ACTR3C: variants seen among roughly 807,000 people sequenced by gnomAD.
ACTR3C encodes the protein actin related protein 3C.
ACTR3C carries 18 observed loss-of-function variants against 26.3 expected under a neutral mutation model. The ratio of observed to expected loss-of-function variants is 0.68; its 90% confidence interval spans 0.47 to 1.01. ACTR3C has a LOEUF of 1.01. Ranked by LOEUF, ACTR3C falls within the 50% of genes least tolerant of loss-of-function variation. ACTR3C has a pLI of 0.00. For missense variants in ACTR3C, 184 were observed against 250.7 expected, an observed-to-expected ratio of 0.73 and a Z score of 1.80; for synonymous variants, 55 against 94.5, an observed-to-expected ratio of 0.58 and a Z score of 2.42.
chr7:150,105,166 T>A, the ACTR3C span, among the ~76,000 whole-genome samples: 1 of 150,844 alleles, frequency 6.6e-6, no homozygotes, highest in Admixed American at 6.6e-5. Flanking sequence ...CACTGCAAGC[T>A]CTGCCTCCTG....
the ACTR3C span, among the ~76,000 whole-genome samples, chr7:150,153,032 C>A: frequency 6.6e-6 from 1 of 152,100 alleles, no homozygotes; most frequent in Admixed American, 6.6e-5. Context: ...TCTCTCTTTT[C>A]TTCTTTATTA....
At chr7:150,029,852 T>C in the ACTR3C span, among the ~76,000 whole-genome samples, 1 of 151,920 alleles carries the variant, frequency 6.6e-6, no homozygotes, top group Non-Finnish European at 1.5e-5. Flanking sequence ...CTGATGCTGC[T>C]GCTTCTCTGA....
At chr7:150,046,347 G>GCCCCCCCCCCCC in the ACTR3C span, among the ~76,000 whole-genome samples, 5 of 17,014 alleles carry the variant, frequency 2.9e-4, no homozygotes, top group East Asian at 6.2e-3. Context: ...ATGTCTCACC[G>GCCCCCCCCCCCC]CCCCCCCCCC....
chr7:150,145,230 A>T, the ACTR3C span, among the ~76,000 whole-genome samples: 9 of 152,120 alleles, frequency 5.9e-5, no homozygotes, highest in Non-Finnish European at 1.5e-5. Flanking sequence ...AGACACATGG[A>T]GAGGGAGAGT....
chr7:150,304,222 G>A, intron 1 of ACTR3C, among the ~76,000 whole-genome samples: 1 of 152,106 alleles, frequency 6.6e-6, no homozygotes, highest in East Asian at 1.9e-4. Context: ...GGTTAGTGAA[G>A]TGCACAAGGC....
chr7:150,239,424 A>G (rs1832046599), downstream of ACTR3C, among the ~76,000 whole-genome samples: 1 of 141,732 alleles, frequency 7.1e-6, no homozygotes, highest in Non-Finnish European at 1.5e-5. Context: ...CTTCAAATTT[A>G]GAGCCTGTTT....
At chr7:150,049,548 G>A in the ACTR3C span, among the ~76,000 whole-genome samples, 1 of 152,220 alleles carries the variant, frequency 6.6e-6, no homozygotes, top group South Asian at 2.1e-4. Context: ...AAAATAACAG[G>A]CTCGGCCGCC....
chr7:150,027,216 C>A, the ACTR3C span, among the ~76,000 whole-genome samples: 1 of 152,118 alleles, frequency 6.6e-6, no homozygotes, highest in East Asian at 1.9e-4. Context: ...ACACAGTGAA[C>A]GGCACAGTCC....
the ACTR3C span, among the ~76,000 whole-genome samples, chr7:150,205,819 C>CT: frequency 0.049 from 7,048 of 144,714 alleles, 505 homozygotes; most frequent in African/African-American, 0.16. Flanking sequence ...TTCAGAAGAC[C>CT]TTTTTTTTTT....
the ACTR3C span, among the ~76,000 whole-genome samples, chr7:149,981,225 G>A: frequency 0.12 from 18,917 of 151,916 alleles, 2,165 homozygotes; most frequent in African/African-American, 0.29. Flanking sequence ...GTCATCGGTA[G>A]CAATGGCAGG....
At chr7:150,000,241 A>T in the ACTR3C span, among the ~76,000 whole-genome samples, 1 of 151,572 alleles carries the variant, frequency 6.6e-6, no homozygotes, top group Non-Finnish European at 1.5e-5. Context: ...AAATACCAAG[A>T]TTTAAAATGT....
the ACTR3C span, among the ~76,000 whole-genome samples, chr7:150,099,306 CA>C: frequency 2.0e-5 from 3 of 151,940 alleles, no homozygotes; most frequent in African/African-American, 7.3e-5. Context: ...ATCCTCTCCA[CA>C]GGATGGTAAC....
chr7:150,233,924 A>C, the ACTR3C span, among the ~76,000 whole-genome samples: 1 of 152,146 alleles, frequency 6.6e-6, no homozygotes, highest in African/African-American at 2.4e-5. Context: ...ATTGAAGAGT[A>C]ATCAGTGAGG....
the ACTR3C span, among the ~76,000 whole-genome samples, chr7:150,014,474 G>T: frequency 7.4e-6 from 1 of 135,468 alleles, no homozygotes; most frequent in Non-Finnish European, 1.6e-5. Context: ...AAAAAAAAAA[G>T]AAAGAAAAAG....
chr7:150,138,814 C>A, the ACTR3C span, among the ~76,000 whole-genome samples: 1 of 152,306 alleles, frequency 6.6e-6, no homozygotes, highest in Non-Finnish European at 1.5e-5. Flanking sequence ...GCTCGCATTA[C>A]TGCCTGAGCT....
intron 7 of ACTR3C, chr7:150,247,853 CT>C (rs946922674): frequency 2.3e-4 from 35 of 151,834 alleles, no homozygotes; most frequent in African/African-American, 7.5e-4. Context: ...TTTGTTCTTG[CT>C]TTTGCCATGT....
At chr7:150,267,874 G>A (rs1834158350) in intron 6 of ACTR3C, among the ~76,000 whole-genome samples, 1 of 152,148 alleles carries the variant, frequency 6.6e-6, no homozygotes, top group Non-Finnish European at 1.5e-5. Flanking sequence ...TGCCAGCGAT[G>A]GTTCCCTTCT....
the ACTR3C span, among the ~76,000 whole-genome samples, chr7:149,960,874 A>G: frequency 5.2e-3 from 795 of 152,370 alleles, 11 homozygotes; most frequent in African/African-American, 0.018. Context: ...GCAGGTGAGA[A>G]TGCACACAGC....
chr7:150,300,018 G>A (rs977817515), intron 1 of ACTR3C, among the ~76,000 whole-genome samples: 1 of 151,826 alleles, frequency 6.6e-6, no homozygotes, highest in Non-Finnish European at 1.5e-5. Flanking sequence ...AATCCAAGGT[G>A]TGCAACAGTA....
Sources: allele counts gnomAD v4.1 joint callset (sites outside exome capture counted in the v4.1 genomes callset), GRCh38; gene constraint gnomAD v4.1.1; transcripts MANE v1.5; gene names NCBI Gene and HGNC (gene_info 2026-07-23, HGNC 2026-07-21).